Variants in DSCAM observed in about 807,000 individuals in gnomAD.
DSCAM encodes DS cell adhesion molecule.
DSCAM carries 47 observed loss-of-function variants against 217.7 expected under a neutral mutation model. The observed-to-expected ratio is 0.22, with a 90% CI of 0.17 to 0.28. DSCAM has a LOEUF of 0.28. Ranked by LOEUF, DSCAM falls within the 10% of genes least tolerant of loss-of-function variation. The pLI, the probability that DSCAM is intolerant of heterozygous loss-of-function variation, is 1.00. For synonymous variants in DSCAM, 1,056 were observed against 1,015.3 expected, an observed-to-expected ratio of 1.04 and a Z score of -0.76; for missense variants, 2,080 against 2,618.3, an observed-to-expected ratio of 0.79 and a Z score of 4.49.
chr21:40,451,079 A>T (rs2075715251), intron 3 of DSCAM, among the ~76,000 whole-genome samples: 1 of 152,178 alleles, frequency 6.6e-6, no homozygotes, highest in South Asian at 2.1e-4. Context: ...TGGGGGCAGG[A>T]AGGCCAAAGA....
intron 5 of DSCAM, 64 bp downstream of exon 5, chr21:40,353,401 G>C: frequency 1.3e-6 from 2 of 1,572,742 alleles, no homozygotes; most frequent in Non-Finnish European, 1.7e-6. Context: ...ATGGAGATTT[G>C]CTTATAACAG....
intron 1 of DSCAM, among the ~76,000 whole-genome samples, chr21:40,820,164 T>A (rs2123587995): frequency 6.6e-6 from 1 of 152,284 alleles, no homozygotes; most frequent in African/African-American, 2.4e-5. Context: ...TGCACACATA[T>A]GTTTATTACA....
At chr21:40,546,376 A>G (rs1357136121) in intron 3 of DSCAM, among the ~76,000 whole-genome samples, 2 of 152,220 alleles carry the variant, frequency 1.3e-5, no homozygotes, top group Admixed American at 1.3e-4. Context: ...TCTGGCCCAA[A>G]GCAAACGGCA....
rs192147461 is a variant in DSCAM, at chr21:40,396,020, T to C, written c.509-26775A>G. Among the ~76,000 whole-genome samples, 17 of 152,306 alleles carry C rather than the reference T, an allele frequency of 1.1e-4. No individual in the cohort carries two copies. The East Asian group carries it at 3.1e-3, about 28-fold the overall frequency. ...AGAAAGCTGACTTTATGCCTGTGCCTACGGAAGCGGGTCCCATGGAGGCTC... is the reference window on the plus strand; with the variant it reads ...AGAAAGCTGACTTTATGCCTGTGCCCACGGAAGCGGGTCCCATGGAGGCTC... On this transcript the variant is annotated intron_variant, in intron 3 of 32. Transcript: ENST00000400454.
chr21:40,526,576 GGGGGT>G (rs1395916383), intron 3 of DSCAM, among the ~76,000 whole-genome samples: 1 of 152,052 alleles, frequency 6.6e-6, no homozygotes, highest in Non-Finnish European at 1.5e-5. Context: ...GGTGAGGCCG[GGGGGT>G]GGGATTCAGG....
intron 15 of DSCAM, among the ~76,000 whole-genome samples, chr21:40,172,594 G>A (rs942792408): frequency 2.0e-5 from 3 of 152,142 alleles, no homozygotes; most frequent in South Asian, 2.1e-4. Context: ...CTCAAGCCTC[G>A]GTGCTCCATT....
intron 6 of DSCAM, among the ~76,000 whole-genome samples, chr21:40,342,650 T>TATA (rs1569074522): frequency 2.4e-3 from 108 of 45,466 alleles, no homozygotes; most frequent in Middle Eastern, 0.011. Context: ...ATATATATAT[T>TATA]TTTTTTTTTT....
chr21:40,142,133 T>C (rs899093651), intron 18 of DSCAM, among the ~76,000 whole-genome samples: 5 of 152,142 alleles, frequency 3.3e-5, no homozygotes, highest in Non-Finnish European at 5.9e-5. Flanking sequence ...TGGGCACTCT[T>C]CCCACACCCA....
At chr21:40,583,324 T>C (rs908813514) in intron 3 of DSCAM, among the ~76,000 whole-genome samples, 14 of 152,246 alleles carry the variant, frequency 9.2e-5, no homozygotes, top group Admixed American at 8.5e-4. Context: ...TTGATTTCCA[T>C]TGATTTCGTA....
chr21:40,840,334 G>C (rs2092090265), intron 1 of DSCAM, among the ~76,000 whole-genome samples: 1 of 152,198 alleles, frequency 6.6e-6, no homozygotes, highest in Non-Finnish European at 1.5e-5. Flanking sequence ...TTGATGTCCT[G>C]GGTGGCTCTT....
At chr21:40,467,930 C>CACAAAAAA (rs775510376) in intron 3 of DSCAM, among the ~76,000 whole-genome samples, 1 of 84,426 alleles carries the variant, frequency 1.2e-5, no homozygotes. Flanking sequence ...AAAGATTAAC[C>CACAAAAAA]AAAAAAAAAA....
intron 1 of DSCAM, among the ~76,000 whole-genome samples, chr21:40,839,858 G>A (rs960809662): frequency 6.6e-6 from 1 of 152,114 alleles, no homozygotes; most frequent in Non-Finnish European, 1.5e-5. Flanking sequence ...ATACAGGCAA[G>A]ATTCATTAAT....
intron 16 of DSCAM, among the ~76,000 whole-genome samples, chr21:40,153,440 C>CA (rs1347172060): frequency 1.3e-5 from 2 of 152,156 alleles, no homozygotes; most frequent in Admixed American, 6.5e-5. Flanking sequence ...GTCGCCAAAG[C>CA]AATTGGCATA....
rs538601823 is a variant in DSCAM, at chr21:40,293,042, G to A, written c.2182+3013C>T. Reference sequence around the variant, plus strand: ...TGAGCCACTGCACTTGGCCCATTACGATATTTTTCTAAAAGAAAAACTGGC... The same window carrying A: ...TGAGCCACTGCACTTGGCCCATTACAATATTTTTCTAAAAGAAAAACTGGC... On this transcript the variant is annotated intron_variant, in intron 10 of 32. Transcript: ENST00000400454. Among the ~76,000 whole-genome samples the A allele has an allele frequency of 2.6e-5, 4 of 152,182 alleles. No individual in the cohort carries two copies. The East Asian group carries it at 5.8e-4, about 22-fold the overall frequency.
intron 3 of DSCAM, among the ~76,000 whole-genome samples, chr21:40,457,488 G>A (rs946043895): frequency 2.0e-5 from 3 of 151,792 alleles, no homozygotes; most frequent in Non-Finnish European, 4.4e-5. Flanking sequence ...CCCCAGCCTG[G>A]GGGACAGAGA....
chr21:40,662,122 T>TA (rs142016103), intron 3 of DSCAM, among the ~76,000 whole-genome samples: 37,098 of 90,346 alleles, frequency 0.41, 5,546 homozygotes, highest in East Asian at 0.59. Context: ...ATTACGTTGT[T>TA]AAAACAAACA....
At chr21:40,248,343 C>T (rs1270953089) in intron 11 of DSCAM, among the ~76,000 whole-genome samples, 1 of 152,206 alleles carries the variant, frequency 6.6e-6, no homozygotes, top group Non-Finnish European at 1.5e-5. Context: ...TGCTCTGCTT[C>T]CCTTATAAAA....
At chr21:40,410,434 G>A (rs1395501967) in intron 3 of DSCAM, among the ~76,000 whole-genome samples, 2 of 151,964 alleles carry the variant, frequency 1.3e-5, no homozygotes, top group Non-Finnish European at 2.9e-5. Flanking sequence ...TCCTATCAGA[G>A]GAAAGAAGAG....
chr21:40,347,391 T>G (rs2074570275), intron 6 of DSCAM, among the ~76,000 whole-genome samples: 1 of 152,172 alleles, frequency 6.6e-6, no homozygotes, highest in Non-Finnish European at 1.5e-5. Context: ...AGTGTCAAGT[T>G]TCTTCTAAGA....
Sources: allele counts gnomAD v4.1 joint callset (sites outside exome capture counted in the v4.1 genomes callset), GRCh38; gene constraint gnomAD v4.1.1; transcripts MANE v1.5; gene names NCBI Gene and HGNC (gene_info 2026-07-23, HGNC 2026-07-21).